Variants in LAMC1 observed in about 807,000 individuals in gnomAD.
The protein encoded by LAMC1 is laminin subunit gamma 1.
Under a neutral mutation model 173.6 loss-of-function variants are expected in LAMC1, and 38 were observed. The ratio of observed to expected loss-of-function variants is 0.22; its 90% confidence interval spans 0.17 to 0.29. LAMC1 has a LOEUF of 0.29. Ranked by LOEUF, LAMC1 falls within the 10% of genes least tolerant of loss-of-function variation. The pLI, the probability that LAMC1 is intolerant of heterozygous loss-of-function variation, is 1.00. For synonymous variants in LAMC1, 746 were observed against 749.1 expected (o/e 1.00, Z 0.07); for missense variants, 1,824 against 2,051.8 (o/e 0.89, Z 2.14).
At chr1:183,045,940 C>T (rs1169854442) in intron 1 of LAMC1, among the ~76,000 whole-genome samples, 4 of 151,976 alleles carry the variant, frequency 2.6e-5, no homozygotes, top group Non-Finnish European at 5.9e-5. Flanking sequence ...CAAAATGTCT[C>T]ATCATGTTTT....
At chr1:183,088,929 A>G (rs750090535) in intron 1 of LAMC1, among the ~76,000 whole-genome samples, 3 of 152,252 alleles carry the variant, frequency 2.0e-5, no homozygotes, top group East Asian at 3.8e-4. Context: ...ATGAAGCACA[A>G]TTGTCCAGAC....
chr1:183,105,200 G>GGGC (rs1655940711), intron 2 of LAMC1, among the ~76,000 whole-genome samples: 1 of 132,664 alleles, frequency 7.5e-6, no homozygotes, highest in East Asian at 2.3e-4. Context: ...ACTCCAGCCT[G>GGGC]GGCAACAGAG....
At chr1:183,081,448 AT>A (rs1167266631) in intron 1 of LAMC1, among the ~76,000 whole-genome samples, 1 of 151,498 alleles carries the variant, frequency 6.6e-6, no homozygotes, top group African/African-American at 2.4e-5. Context: ...AAATGCAAAA[AT>A]TAGCTGGGCA....
intron 1 of LAMC1, among the ~76,000 whole-genome samples, chr1:183,097,734 C>A (rs113451976): frequency 0.021 from 3,171 of 152,302 alleles, 60 homozygotes; most frequent in South Asian, 0.079. Flanking sequence ...ATTGTCGATG[C>A]GGCCTGTTCC....
chr1:183,126,562 C>A (rs1158766615), intron 16 of LAMC1, among the ~76,000 whole-genome samples: 1 of 152,194 alleles, frequency 6.6e-6, no homozygotes, highest in African/African-American at 2.4e-5. Flanking sequence ...CACTGTGGTT[C>A]ATGAAACTTC....
At chr1:183,058,570 T>A (rs1455775757) in intron 1 of LAMC1, among the ~76,000 whole-genome samples, 1 of 152,160 alleles carries the variant, frequency 6.6e-6, no homozygotes, top group Non-Finnish European at 1.5e-5. Context: ...CAGGTTTAAG[T>A]TTTTTAGTTC....
intron 4 of LAMC1, among the ~76,000 whole-genome samples, chr1:183,111,196 C>T (rs1401055432): frequency 6.6e-6 from 1 of 151,104 alleles, no homozygotes; most frequent in Non-Finnish European, 1.5e-5. Flanking sequence ...AAGTGATTGT[C>T]TTGCCTCAGC....
Position 183,134,779 on chromosome 1 carries a change from C to G in LAMC1, c.3969C>G (p.Asn1323Lys). 6.2e-7 allele frequency: 1 copy of G among 1,613,384 alleles called. No individual in the cohort carries two copies. Among genetic ancestry groups the G allele is most frequent in the Non-Finnish European group, 8.5e-7 (1 of 1,179,830 alleles). The change falls in exon 23 of 28, where the codon AAC (asparagine) becomes AAG (lysine). Residue 1323 changes from asparagine (N) to lysine (K), a missense_variant. Transcript: ENST00000258341. ...GAGGGAAGGAACTTGAAGTCAAGAA[C>G]CTTCTGGAGAAAGGCAAGACTGAAC... ...DMRGKELEVK[N>K]LLEKGKTEQQ...
At chr1:183,062,804 A>G (rs866427754) in intron 1 of LAMC1, among the ~76,000 whole-genome samples, 31 of 152,234 alleles carry the variant, frequency 2.0e-4, no homozygotes, top group Non-Finnish European at 4.1e-4. Context: ...ACACAAAAAA[A>G]TTAGCTGTGC....
At chr1:183,138,740 G>A (rs967543482) in intron 26 of LAMC1, among the ~76,000 whole-genome samples, 4 of 152,042 alleles carry the variant, frequency 2.6e-5, no homozygotes, top group African/African-American at 4.8e-5. Context: ...TCTCCGTTAT[G>A]GTGTGGCTCA....
chr1:183,079,286 A>G (rs1326656529), intron 1 of LAMC1, among the ~76,000 whole-genome samples: 5 of 101,250 alleles, frequency 4.9e-5, no homozygotes, highest in Non-Finnish European at 9.0e-5. Context: ...ATGGAGTCTC[A>G]CTCTGTCACC....
Position 183,131,306 on chromosome 1 carries a change from C to T in LAMC1, c.3494C>T (p.Thr1165Ile), listed in dbSNP as rs750881748. 3.7e-6 allele frequency: 6 copies of T among 1,612,780 alleles called. No individual in the cohort carries two copies. In the South Asian group the frequency reaches 6.6e-5, roughly 18 times the overall value. The change falls in exon 20 of 28, where the codon ACT (threonine) becomes ATT (isoleucine). Residue 1165 changes from threonine to isoleucine, a missense_variant. Transcript: ENST00000258341. ...AKVAAANVSVTQPESTGDPNN... is the reference protein window; with the variant it reads ...AKVAAANVSVIQPESTGDPNN... Reference sequence around the variant, plus strand: ...GCTTTATTTCCTGTGCAGTCAGTCACTCAGCCAGAATCTACAGGGGACCCA... The same window carrying T: ...GCTTTATTTCCTGTGCAGTCAGTCATTCAGCCAGAATCTACAGGGGACCCA...
intron 3 of LAMC1, 139 bp downstream of exon 3, chr1:183,108,545 G>A (rs2102074279): frequency 1.6e-6 from 1 of 642,538 alleles, no homozygotes; most frequent in East Asian, 3.2e-5. Context: ...TCCTTCCTGT[G>A]TGATAATGCT....
chr1:183,103,499 G>A lies in LAMC1; in HGVS notation c.590G>A (p.Gly197Glu), dbSNP rs760351669. ...GCAAACCGCGGCTTCATCAGGACAG[G>A]AGGGGACGAGCAGCAGGCCTTGTGT... is the stretch of plus-strand genomic sequence containing the variant. Reference protein sequence around the residue: ...SKANRGFIRTGGDEQQALCTD... With the variant: ...SKANRGFIRTEGDEQQALCTD... Residue 197 changes from glycine to glutamate, a missense_variant, in exon 2 of 28, where the codon GGA becomes GAA. Coordinates refer to ENST00000258341, the MANE Select transcript of LAMC1 (RefSeq NM_002293.4). 1 of 1,614,230 alleles carries A rather than the reference G, an allele frequency of 6.2e-7. No homozygotes were observed. The highest frequency in any genetic ancestry group is 2.2e-5 in the East Asian group (1 of 44,888).
chr1:183,138,739 T>A (rs936753675), intron 26 of LAMC1, among the ~76,000 whole-genome samples: 2 of 152,144 alleles, frequency 1.3e-5, no homozygotes, highest in Non-Finnish European at 2.9e-5. Flanking sequence ...TTCTCCGTTA[T>A]GGTGTGGCTC....
At chr1:183,118,381 TC>T (rs1333752867) in intron 11 of LAMC1, among the ~76,000 whole-genome samples, 1 of 152,112 alleles carries the variant, frequency 6.6e-6, no homozygotes, top group Non-Finnish European at 1.5e-5. Flanking sequence ...ACTCAATTGA[TC>T]AGTAGGTCAA....
intron 1 of LAMC1, among the ~76,000 whole-genome samples, chr1:183,054,988 CT>C (rs34723564): frequency 0.34 from 44,942 of 130,502 alleles, 7,199 homozygotes; most frequent in East Asian, 0.45. Flanking sequence ...CTTTGTGCAT[CT>C]TTTTTTTTTT....
rs1657206711 is a variant in LAMC1, at chr1:183,144,633, G to A, written c.*1843G>A. 1 of 152,260 alleles carries A rather than the reference G, an allele frequency of 6.6e-6. No homozygotes were observed. Among genetic ancestry groups the A allele is most frequent in the Admixed American group, 6.5e-5 (1 of 15,282 alleles). 9.4% of individuals were successfully genotyped at this position (152,260 alleles called of 1,614,324 possible). A position where few individuals can be genotyped will look rare whatever the true frequency, so the allele number is the denominator to read the frequency against. ...ACAATGTTCCAGAGCAGGAACGCCA[G>A]GTTGACAAGCTATGGTAGGATTAGG... On this transcript the variant is annotated 3_prime_UTR_variant, in exon 28 of 28. Coordinates refer to ENST00000258341, the MANE Select transcript of LAMC1 (RefSeq NM_002293.4).
chr1:183,053,728 C>T (rs767541801), intron 1 of LAMC1, among the ~76,000 whole-genome samples: 2 of 151,836 alleles, frequency 1.3e-5, no homozygotes, highest in African/African-American at 2.4e-5. Flanking sequence ...TGGGCTCAAA[C>T]GATTCTTGTG....
Sources: gnomAD v4.1 joint callset for allele counts (sites outside exome capture counted in the v4.1 genomes callset) on GRCh38, gnomAD v4.1.1 for gene constraint, MANE v1.5 for transcripts, NCBI Gene and HGNC (gene_info 2026-07-23, HGNC 2026-07-21) for gene names.